Variants in MLLT10 observed in about 807,000 individuals in gnomAD.
MLLT10 encodes the protein MLLT10 histone lysine methyltransferase DOT1L cofactor.
Under a neutral mutation model 129.1 loss-of-function variants are expected in MLLT10, and 30 were observed. That is an observed-to-expected ratio of 0.23 (90% confidence interval 0.17 to 0.32). The LOEUF is 0.32. Among genes scored for constraint, MLLT10 ranks in the 10% least tolerant of loss-of-function variants. The pLI, the probability that MLLT10 is intolerant of heterozygous loss-of-function variation, is 1.00. For synonymous variants in MLLT10, 490 were observed against 446.4 expected (o/e 1.10, Z -1.23); for missense variants, 1,119 against 1,268.3 (o/e 0.88, Z 1.79).
rs372309295 is a variant in MLLT10 at position 21,741,500 on chromosome 10, G to GTCTT, written c.3163-437_3163-434dup. 8.5e-3 allele frequency among the ~76,000 whole-genome samples: 1,297 copies of GTCTT among 152,270 alleles called. 9 individuals carry two copies. The highest frequency in any genetic ancestry group is 0.017 in the Middle Eastern group (5 of 294). Reference sequence around the variant, plus strand: ...AGATACAGTGACATTTGTGATTTCAGTCTTTAATAATAGGCTGTAACTCCA... The same window carrying GTCTT: ...AGATACAGTGACATTTGTGATTTCAGTCTTTCTTTAATAATAGGCTGTAACTCCA... On this transcript the variant is annotated intron_variant, in intron 22 of 22. Transcript: ENST00000307729.
chr10:21,725,351 G>C (rs1187691378), intron 14 of MLLT10, among the ~76,000 whole-genome samples: 2 of 152,148 alleles, frequency 1.3e-5, no homozygotes, highest in African/African-American at 2.4e-5. Context: ...CTGGGGTTTG[G>C]TATCAGCTAG....
Position 21,730,930 on chromosome 10 carries a change from T to C in MLLT10, c.2094T>C (p.Tyr698=). The change falls in exon 17 of 23, where the codon TAT becomes TAC. Residue 698 remains tyrosine (Y), a synonymous_variant. Coordinates refer to ENST00000307729, the MANE Select transcript of MLLT10 (RefSeq NM_001195626.3). ...CTGTAAGCAGCTTACAGATTCGCTA[T>C]GATCAACCAGGCAACAGCAGTTTGG... ...RSPVSSLQIR[Y]DQPGNSSLEN... 5.6e-6 allele frequency: 9 copies of C among 1,614,192 alleles called. No homozygotes were observed. Among genetic ancestry groups the C allele is most frequent in the Non-Finnish European group, 5.9e-6 (7 of 1,180,030 alleles).
At chr10:21,681,817 T>G (rs1415298371) in intron 12 of MLLT10, among the ~76,000 whole-genome samples, 1 of 152,200 alleles carries the variant, frequency 6.6e-6, no homozygotes, top group African/African-American at 2.4e-5. Context: ...GATGATATAA[T>G]GAGGTTTTTC....
intron 3 of MLLT10, among the ~76,000 whole-genome samples, chr10:21,552,638 C>G (rs945868807): frequency 4.0e-5 from 6 of 151,274 alleles, no homozygotes; most frequent in African/African-American, 1.5e-4. Context: ...GTGATCCACC[C>G]GCCTCGGCCT....
At chr10:21,698,872 T>C (rs1362769345) in intron 13 of MLLT10, among the ~76,000 whole-genome samples, 3 of 152,102 alleles carry the variant, frequency 2.0e-5, no homozygotes, top group Non-Finnish European at 4.4e-5. Flanking sequence ...TCTATGTTTT[T>C]GTTTTGTTTG....
chr10:21,637,961 T>C (rs1435013562), intron 8 of MLLT10, among the ~76,000 whole-genome samples: 1 of 152,182 alleles, frequency 6.6e-6, no homozygotes, highest in African/African-American at 2.4e-5. Context: ...TTCCTACCCC[T>C]GGTACCTTTG....
Position 21,617,160 on chromosome 10 carries a change from G to T in MLLT10, c.652G>T (p.Asp218Tyr). The T allele has an allele frequency of 6.5e-7, 1 of 1,543,732 alleles. No individual in the cohort carries two copies. The highest frequency in any genetic ancestry group is 1.3e-5 in the South Asian group (1 of 75,192). ...TAGGTCATATGATCAAAGTTTAAGT[G>T]ATTCTTCCTCTCACTCTCAGGATAA... is the stretch of plus-strand genomic sequence containing the variant. Reference protein sequence around the residue: ...SNRSYDQSLSDSSSHSQDKHH... With the variant: ...SNRSYDQSLSYSSSHSQDKHH... The change falls in exon 8 of 23, where the codon GAT (aspartate) becomes TAT (tyrosine). Residue 218 changes from aspartate (D) to tyrosine (Y), a missense_variant. By Grantham distance (160) the Asp-to-Tyr change is radical. Transcript: ENST00000307729.
intron 11 of MLLT10, among the ~76,000 whole-genome samples, chr10:21,676,127 G>A (rs1311174516): frequency 6.6e-6 from 1 of 152,128 alleles, no homozygotes; most frequent in Non-Finnish European, 1.5e-5. Flanking sequence ...AAAACGTTGT[G>A]TTTAAAAATT....
intron 9 of MLLT10, among the ~76,000 whole-genome samples, chr10:21,666,659 C>T (rs895984451): frequency 1.3e-5 from 2 of 148,306 alleles, no homozygotes; most frequent in African/African-American, 5.0e-5. Flanking sequence ...AAGACTCTGT[C>T]TCAAAAAAAA....
intron 13 of MLLT10, among the ~76,000 whole-genome samples, chr10:21,684,962 A>T (rs2053143739): frequency 6.6e-6 from 1 of 152,170 alleles, no homozygotes; most frequent in Non-Finnish European, 1.5e-5. Flanking sequence ...CATTAAAACT[A>T]AGTGTAGTTG....
rs569805859 is a variant in MLLT10 at position 21,733,229 on chromosome 10, TC to T, written c.2407+144del. ...GGTTGTTTTTGAAGGGCATAAAGAATCCTGTTAAGTGATCAACTTGAATTTA... is the reference window on the plus strand; with the variant it reads ...GGTTGTTTTTGAAGGGCATAAAGAATCTGTTAAGTGATCAACTTGAATTTA... On this transcript the variant is annotated intron_variant, in intron 18 of 22. Coordinates refer to ENST00000307729, the MANE Select transcript of MLLT10 (RefSeq NM_001195626.3). 1.4e-4 allele frequency: 109 copies of T among 791,454 alleles called. No homozygotes were observed. In the African/African-American group the frequency reaches 1.9e-3, roughly 14 times the overall value. The allele number at this position is 791,454 out of a possible 1,614,324, so 49.0% of individuals were successfully genotyped here.
At chr10:21,738,089 GAA>G (rs2058523157) in intron 21 of MLLT10, among the ~76,000 whole-genome samples, 1 of 152,048 alleles carries the variant, frequency 6.6e-6, no homozygotes, top group Non-Finnish European at 1.5e-5. Context: ...CCAACGTGGT[GAA>G]ACCCCGTCTC....
intron 11 of MLLT10, 29 bp downstream of exon 11, chr10:21,673,948 C>A: frequency 1.3e-6 from 2 of 1,503,400 alleles, no homozygotes; most frequent in Non-Finnish European, 1.8e-6. Flanking sequence ...TTATTTTTCT[C>A]CTTCACTCCC....
intron 8 of MLLT10, among the ~76,000 whole-genome samples, chr10:21,623,700 C>CT (rs926987750): frequency 1.3e-5 from 2 of 152,160 alleles, no homozygotes; most frequent in Non-Finnish European, 2.9e-5. Context: ...TCAAAGGACT[C>CT]TATTTGTTTT....
At chr10:21,576,646 T>G (rs1361027573) in intron 3 of MLLT10, among the ~76,000 whole-genome samples, 2 of 151,828 alleles carry the variant, frequency 1.3e-5, no homozygotes, top group East Asian at 3.9e-4. Context: ...TTTTTTTTTT[T>G]TGAGTTGGAG....
rs910228662 is a variant in MLLT10 at position 21,701,133 on chromosome 10, T to C, written c.1700-12639T>C. 4.6e-5 allele frequency among the ~76,000 whole-genome samples: 7 copies of C among 152,174 alleles called. No homozygotes were observed. The East Asian group carries it at 5.8e-4, about 13-fold the overall frequency. ...TGTTAGCATTCATACTATTCTCTGC[T>C]GTCTTTCATATTTCTGTGGTATCAG... On this transcript the variant is annotated intron_variant, in intron 13 of 22. Transcript: ENST00000307729.
chr10:21,736,375 C>T (rs1219808617), intron 21 of MLLT10, among the ~76,000 whole-genome samples: 9 of 152,226 alleles, frequency 5.9e-5, no homozygotes. Flanking sequence ...ACCTCCATCT[C>T]CTGGGCTCAA....
chr10:21,708,797 G>A lies in MLLT10; in HGVS notation c.1700-4975G>A, dbSNP rs548052720. ...TGATGGTAATTGCAACTTTCAAAGT[G>A]TAGTAGAGACATTAGAGGACCTGGT... On this transcript the variant is annotated intron_variant, in intron 13 of 22. Coordinates refer to ENST00000307729, the MANE Select transcript of MLLT10 (RefSeq NM_001195626.3). The A allele has an allele frequency of 1.4e-4, 133 of 947,574 alleles. 2 individuals are homozygous for A. The South Asian group carries it at 6.0e-3, about 42-fold the overall frequency. 58.7% of individuals were successfully genotyped at this position (947,574 alleles called of 1,614,324 possible). A position where few individuals can be genotyped will look rare whatever the true frequency, so the allele number is the denominator to read the frequency against.
chr10:21,572,292 CTT>C (rs1221144712), intron 3 of MLLT10, among the ~76,000 whole-genome samples: 1 of 152,156 alleles, frequency 6.6e-6, no homozygotes, highest in Admixed American at 6.6e-5. Flanking sequence ...AATTTTGTAA[CTT>C]TATATTGTCT....
Sources: gnomAD v4.1 joint callset for allele counts (sites outside exome capture counted in the v4.1 genomes callset) on GRCh38, gnomAD v4.1.1 for gene constraint, MANE v1.5 for transcripts, NCBI Gene and HGNC (gene_info 2026-07-23, HGNC 2026-07-21) for gene names.